The following GRIK1 variants were observed in gnomAD, a reference collection of about 807,000 sequenced individuals.
GRIK1 encodes the protein glutamate receptor ionotropic, kainate 1.
GRIK1 carries 69 observed loss-of-function variants against 105.7 expected under a neutral mutation model. The observed-to-expected ratio is 0.65, with a 90% CI of 0.54 to 0.80. The LOEUF is 0.80. Among genes scored for constraint, GRIK1 ranks in the 30% least tolerant of loss-of-function variants. GRIK1 has a pLI of 0.00. For missense variants in GRIK1, 1,109 were observed against 1,167.3 expected, an observed-to-expected ratio of 0.95 and a Z score of 0.73; for synonymous variants, 438 against 431.3, an observed-to-expected ratio of 1.02 and a Z score of -0.19.
At chr21:29,646,474 G>A (rs549530587) in intron 6 of GRIK1, among the ~76,000 whole-genome samples, 3 of 152,256 alleles carry the variant, frequency 2.0e-5, no homozygotes, top group East Asian at 3.9e-4. Flanking sequence ...GTCATTGTGA[G>A]TATAACAGCT....
intron 16 of GRIK1, 152 bp downstream of exon 16, chr21:29,554,900 G>A (rs552704581): frequency 1.2e-5 from 7 of 608,586 alleles, no homozygotes; most frequent in African/African-American, 7.4e-5. Context: ...CACCTGGCAG[G>A]GATTCAATAG....
intron 1 of GRIK1, among the ~76,000 whole-genome samples, chr21:29,781,017 A>T (rs2145777081): frequency 1.3e-5 from 2 of 152,290 alleles, no homozygotes; most frequent in Admixed American, 1.3e-4. Context: ...AAGCAATACA[A>T]AAGAAGTATT....
intron 1 of GRIK1, among the ~76,000 whole-genome samples, chr21:29,933,656 C>T (rs467155): frequency 0.91 from 137,818 of 152,180 alleles, 62,541 homozygotes; most frequent in African/African-American, 0.96. Context: ...TTCCTCAAGA[C>T]TGAAGGTATG....
At position 29,800,527 on chromosome 21, in the gene GRIK1, T is replaced by C. The variant is rs187668643; in HGVS notation, c.119-106464A>G. ...GTCTTGCAACTTTAAAAAGGGAATG[T>C]GTTCTTAACATTTCCTAATGGTCAA... is the stretch of plus-strand genomic sequence containing the variant. On this transcript the variant is annotated intron_variant, in intron 1 of 17. Transcript: ENST00000327783. Among the ~76,000 whole-genome samples the C allele has an allele frequency of 9.8e-5, 15 of 152,372 alleles. No homozygotes were observed. The East Asian group carries it at 2.7e-3, about 27-fold the overall frequency.
At chr21:29,893,191 C>T (rs899676428) in intron 1 of GRIK1, among the ~76,000 whole-genome samples, 1 of 152,192 alleles carries the variant, frequency 6.6e-6, no homozygotes, top group African/African-American at 2.4e-5. Flanking sequence ...TTCACACATT[C>T]ATTCATTCTT....
chr21:29,672,107 G>C (rs1369228396), intron 4 of GRIK1, among the ~76,000 whole-genome samples: 1 of 150,580 alleles, frequency 6.6e-6, no homozygotes, highest in East Asian at 1.9e-4. Flanking sequence ...GCCCAGGCTG[G>C]AGTGCAATGG....
At chr21:29,724,531 AG>A (rs2064405061) in intron 1 of GRIK1, among the ~76,000 whole-genome samples, 1 of 152,236 alleles carries the variant, frequency 6.6e-6, no homozygotes, top group African/African-American at 2.4e-5. Flanking sequence ...AAGAACTGGG[AG>A]TCTTAAAGAG....
intron 1 of GRIK1, among the ~76,000 whole-genome samples, chr21:29,704,011 G>A (rs1022331014): frequency 1.6e-4 from 25 of 152,288 alleles, no homozygotes; most frequent in East Asian, 1.2e-3. Context: ...GAGAAAGGCC[G>A]TGGATTATGG....
At chr21:29,885,645 G>A (rs1027056878) in intron 1 of GRIK1, among the ~76,000 whole-genome samples, 11 of 152,066 alleles carry the variant, frequency 7.2e-5, no homozygotes, top group African/African-American at 2.7e-4. Flanking sequence ...ATGATTACAT[G>A]AGTTAATGTA....
intron 1 of GRIK1, among the ~76,000 whole-genome samples, chr21:29,872,532 C>A (rs998605631): frequency 2.6e-5 from 4 of 152,110 alleles, no homozygotes; most frequent in Non-Finnish European, 5.9e-5. Context: ...AGCCTGGTGC[C>A]ACAGAAACAC....
At chr21:29,558,716 TA>T (rs565742687) in intron 15 of GRIK1, among the ~76,000 whole-genome samples, 3,353 of 149,908 alleles carry the variant, frequency 0.022, 114 homozygotes, top group African/African-American at 0.076. Context: ...TATTTATATA[TA>T]TATTTTTTTG....
chr21:29,696,851 AG>A (rs1446891144), intron 1 of GRIK1, among the ~76,000 whole-genome samples: 3 of 152,250 alleles, frequency 2.0e-5, no homozygotes, highest in African/African-American at 7.2e-5. Flanking sequence ...ATACCTGAAT[AG>A]GAAACAGAAA....
intron 14 of GRIK1, among the ~76,000 whole-genome samples, chr21:29,573,482 G>A (rs749983070): frequency 1.1e-4 from 16 of 152,180 alleles, no homozygotes; most frequent in South Asian, 2.1e-4. Context: ...GCTCACACCT[G>A]TAATTCCAGC....
rs769718601 is a variant in GRIK1, at chr21:29,651,068, C to T, written c.954+50G>A. 74 of 1,392,604 alleles carry T rather than the reference C, an allele frequency of 5.3e-5. 1 individual carries two copies. The highest frequency in any genetic ancestry group is 3.5e-4 in the East Asian group (15 of 43,064). 86.3% of individuals were successfully genotyped at this position (1,392,604 alleles called of 1,614,324 possible). ...TTAAAGATACGTGAGATCTTAACCC[C>T]GAAGGCATTCAAATATTCTTGCAAA... On this transcript the variant is annotated intron_variant, in intron 6 of 17. Transcript: ENST00000327783.
intron 1 of GRIK1, among the ~76,000 whole-genome samples, chr21:29,809,485 G>C (rs1232937731): frequency 1.3e-5 from 2 of 152,190 alleles, no homozygotes; most frequent in Non-Finnish European, 2.9e-5. Context: ...GGAGGGTTTT[G>C]CCTCGTTATT....
At chr21:29,892,454 T>A (rs1275115010) in intron 1 of GRIK1, among the ~76,000 whole-genome samples, 1 of 152,188 alleles carries the variant, frequency 6.6e-6, no homozygotes, top group African/African-American at 2.4e-5. Context: ...ATTGGGAGCT[T>A]GGATTTGATA....
chr21:29,740,945 G>A (rs2064911444), intron 1 of GRIK1, among the ~76,000 whole-genome samples: 1 of 152,190 alleles, frequency 6.6e-6, no homozygotes, highest in Non-Finnish European at 1.5e-5. Context: ...TTTTAGGGAA[G>A]ATGACTACGG....
rs563638063 is a variant in GRIK1 at position 29,592,023 on chromosome 21, C to T, written c.1252-798G>A. 2.0e-5 allele frequency among the ~76,000 whole-genome samples: 3 copies of T among 152,236 alleles called. No homozygotes were observed. In the East Asian group the frequency reaches 5.8e-4, roughly 29 times the overall value. Reference sequence around the variant, plus strand: ...CCGTGATTGCACCACTGCACTTCAGCCTGGGTGACAGAGCGAGACACTGAA... The same window carrying T: ...CCGTGATTGCACCACTGCACTTCAGTCTGGGTGACAGAGCGAGACACTGAA... On this transcript the variant is annotated intron_variant, in intron 9 of 17. Transcript: ENST00000327783.
intron 1 of GRIK1, 54 bp from the exon 2 acceptor site, chr21:29,694,117 ATTTTTTT>A (rs11434895): frequency 0.036 from 15,813 of 436,464 alleles, 215 homozygotes; most frequent in East Asian, 0.15. Context: ...TTCACATGTA[ATTTTTTT>A]TTTTTTTTTT....
Sources: gnomAD v4.1 joint callset for allele counts (sites outside exome capture counted in the v4.1 genomes callset) on GRCh38, gnomAD v4.1.1 for gene constraint, MANE v1.5 for transcripts, NCBI Gene and HGNC (gene_info 2026-07-23, HGNC 2026-07-21) for gene names.